The following ASIC2 variants were observed in gnomAD, a reference collection of about 807,000 sequenced individuals.
The protein encoded by ASIC2 is acid sensing ion channel subunit 2.
A neutral mutation model predicts 57.3 loss-of-function variants in ASIC2; 25 were observed. The ratio of observed to expected loss-of-function variants is 0.44; its 90% confidence interval spans 0.32 to 0.61. The LOEUF is 0.61. Ranked by LOEUF, ASIC2 falls within the 20% of genes least tolerant of loss-of-function variation. ASIC2 has a pLI of 0.06. For missense variants in ASIC2, 641 were observed against 738.1 expected (o/e 0.87, Z 1.52); for synonymous variants, 319 against 307.5 (o/e 1.04, Z -0.39).
chr17:33,487,500 G>A (rs1318151072), intron 1 of ASIC2, among the ~76,000 whole-genome samples: 1 of 152,182 alleles, frequency 6.6e-6, no homozygotes, highest in East Asian at 1.9e-4. Context: ...CTAAGCTTTG[G>A]CCTCTTCATT....
intron 1 of ASIC2, among the ~76,000 whole-genome samples, chr17:33,463,906 A>G (rs758994784): frequency 2.0e-5 from 3 of 152,202 alleles, no homozygotes; most frequent in Non-Finnish European, 4.4e-5. Context: ...CACCTGGCAC[A>G]TAGGAGGGGC....
chr17:33,503,626 C>T (rs1356311969), intron 1 of ASIC2, among the ~76,000 whole-genome samples: 3 of 152,158 alleles, frequency 2.0e-5, no homozygotes, highest in African/African-American at 7.2e-5. Context: ...CCCTCTCCTC[C>T]TCCTCCTCCA....
intron 1 of ASIC2, among the ~76,000 whole-genome samples, chr17:33,626,399 A>T (rs557797117): frequency 4.3e-4 from 66 of 152,326 alleles, no homozygotes; most frequent in Non-Finnish European, 7.3e-4. Flanking sequence ...ATTTAGATTC[A>T]CTAGCTTTTT....
At chr17:33,221,027 C>T (rs766553937) in intron 1 of ASIC2, among the ~76,000 whole-genome samples, 3 of 152,254 alleles carry the variant, frequency 2.0e-5, no homozygotes, top group East Asian at 1.9e-4. Flanking sequence ...AGCTGACTTA[C>T]ACCATTGCAC....
intron 2 of ASIC2, among the ~76,000 whole-genome samples, chr17:33,096,685 T>C (rs2092181170): frequency 6.6e-6 from 1 of 151,896 alleles, no homozygotes; most frequent in Non-Finnish European, 1.5e-5. Flanking sequence ...CTAGGAGAAG[T>C]GATGCAGAGG....
chr17:33,029,471 A>G (rs1284335646), intron 3 of ASIC2, among the ~76,000 whole-genome samples: 1 of 152,218 alleles, frequency 6.6e-6, no homozygotes, highest in Non-Finnish European at 1.5e-5. Flanking sequence ...TTTCCTTTTA[A>G]TTACTGAATA....
chr17:33,755,996 T>C (rs1157609943), intron 1 of ASIC2, among the ~76,000 whole-genome samples: 1 of 152,230 alleles, frequency 6.6e-6, no homozygotes, highest in Non-Finnish European at 1.5e-5. Flanking sequence ...TTTGCTCCAA[T>C]CTTGCTAAGC....
At chr17:33,925,526 AC>A (rs1317094054) in intron 1 of ASIC2, among the ~76,000 whole-genome samples, 1 of 152,166 alleles carries the variant, frequency 6.6e-6, no homozygotes, top group African/African-American at 2.4e-5. Flanking sequence ...TCTCCCGATA[AC>A]TGTGGCCATG....
chr17:33,755,351 A>G lies in ASIC2; in HGVS notation c.555+400627T>C, dbSNP rs114556482. On this transcript the variant is annotated intron_variant, in intron 1 of 9. Transcript: ENST00000359872. ...TTTCCAATTTCTGACGTCTAGAGCC[A>G]TAAGACCCTATGTCTGTGTTGTGTT... 2.9e-3 allele frequency among the ~76,000 whole-genome samples: 445 copies of G among 152,350 alleles called. 1 individual carries two copies. The highest frequency in any genetic ancestry group is 0.01 in the African/African-American group (428 of 41,566).
chr17:33,693,178 A>G (rs1016466282), intron 1 of ASIC2, among the ~76,000 whole-genome samples: 2 of 152,232 alleles, frequency 1.3e-5, no homozygotes, highest in Non-Finnish European at 2.9e-5. Context: ...CTATCTGTCT[A>G]TTAATATCCA....
Position 33,021,225 on chromosome 17 carries a change from A to G in ASIC2, c.1435T>C (p.Leu479=), listed in dbSNP as rs1322558494. 1.9e-6 allele frequency: 3 copies of G among 1,612,092 alleles called. No homozygotes were observed. The highest frequency in any genetic ancestry group is 2.5e-6 in the Non-Finnish European group (3 of 1,179,360). Residue 479 remains leucine, a synonymous_variant, in exon 7 of 10, where the codon TTA becomes CTA. Coordinates refer to ENST00000225823, the MANE Select transcript of ASIC2 (RefSeq NM_183377.2). ...GCAATAGACACTGACTTACCAAGTA[A>G]GGCAGCAACTTCATACGCCTTCTTC... ...EQKKAYEVAA[L]LGDIGGQMGL...
At chr17:33,684,031 C>T (rs138413417) in intron 1 of ASIC2, among the ~76,000 whole-genome samples, 201 of 152,296 alleles carry the variant, frequency 1.3e-3, no homozygotes, top group African/African-American at 4.8e-3. Flanking sequence ...ATTAGAATAT[C>T]CATACATTTG....
At chr17:34,022,616 T>C (rs1053528212) in intron 1 of ASIC2, among the ~76,000 whole-genome samples, 1 of 145,478 alleles carries the variant, frequency 6.9e-6, no homozygotes, top group Non-Finnish European at 1.5e-5. Context: ...CTGGTCTTCA[T>C]GCAATTTCCC....
At chr17:33,295,643 C>G (rs1414034660), upstream of ASIC2, among the ~76,000 whole-genome samples, 1 of 152,158 alleles carries the variant, frequency 6.6e-6, no homozygotes, top group African/African-American at 2.4e-5. Context: ...CGTTTGCAGA[C>G]AGGGACTACA....
intron 1 of ASIC2, among the ~76,000 whole-genome samples, chr17:33,464,487 T>TCTTTCTTTCTTC (rs1912757219): frequency 5.5e-5 from 2 of 36,536 alleles, no homozygotes; most frequent in Admixed American, 4.4e-4. Context: ...TTTCTCTCTT[T>TCTTTCTTTCTTC]CTTTCTTTCT....
chr17:33,865,720 C>T (rs1914214725), intron 1 of ASIC2, among the ~76,000 whole-genome samples: 2 of 139,094 alleles, frequency 1.4e-5, no homozygotes, highest in Non-Finnish European at 3.0e-5. Context: ...GCACAATGTG[C>T]ACATGTACCC....
intron 2 of ASIC2, among the ~76,000 whole-genome samples, chr17:33,110,211 C>A (rs933217482): frequency 3.3e-5 from 5 of 152,146 alleles, no homozygotes; most frequent in Admixed American, 1.3e-4. Context: ...TCTCTTCTAC[C>A]ACACAGATTA....
chr17:33,359,631 A>T (rs1271113362), intron 1 of ASIC2, among the ~76,000 whole-genome samples: 1 of 152,214 alleles, frequency 6.6e-6, no homozygotes, highest in Non-Finnish European at 1.5e-5. Context: ...CTAAAGCTAA[A>T]TATAGCTAGC....
At chr17:33,979,895 AAG>A (rs1905550435) in intron 1 of ASIC2, among the ~76,000 whole-genome samples, 1 of 152,098 alleles carries the variant, frequency 6.6e-6, no homozygotes, top group East Asian at 1.9e-4. Context: ...CTCCACATAG[AAG>A]AGTCTCAAGT....
Sources: gnomAD v4.1 joint callset for allele counts (sites outside exome capture counted in the v4.1 genomes callset) on GRCh38, gnomAD v4.1.1 for gene constraint, MANE v1.5 for transcripts, NCBI Gene and HGNC (gene_info 2026-07-23, HGNC 2026-07-21) for gene names.